DSE: variants seen among roughly 807,000 people sequenced by gnomAD.
DSE encodes the protein dermatan-sulfate epimerase.
A neutral mutation model predicts 84.4 loss-of-function variants in DSE; 36 were observed. The ratio of observed to expected loss-of-function variants is 0.43; its 90% CI spans 0.33 to 0.56. The LOEUF is 0.56. DSE is among the 20% of genes least tolerant of loss of function. The pLI, the probability that DSE is intolerant of heterozygous loss-of-function variation, is 0.06. For synonymous variants in DSE, 410 were observed against 430.1 expected (o/e 0.95, Z 0.58); for missense variants, 862 against 1,169.6 (o/e 0.74, Z 3.84).
chr6:116,284,157 C>A (rs1025244420), intron 2 of DSE, among the ~76,000 whole-genome samples: 1 of 152,138 alleles, frequency 6.6e-6, no homozygotes, highest in African/African-American at 2.4e-5. Context: ...ATCATAGATT[C>A]TTTGGGAATG....
At chr6:116,415,129 A>C (rs1380809251) in intron 2 of DSE, among the ~76,000 whole-genome samples, 1 of 152,200 alleles carries the variant, frequency 6.6e-6, no homozygotes, top group East Asian at 1.9e-4. Flanking sequence ...TGGCTTCCAG[A>C]GAAAGCATTT....
chr6:116,352,004 C>T (rs754828964), intron 2 of DSE, among the ~76,000 whole-genome samples: 9 of 152,030 alleles, frequency 5.9e-5, no homozygotes, highest in Admixed American at 1.3e-4. Flanking sequence ...ATTTAAATCC[C>T]GATATTAAAT....
Position 116,397,212 on chromosome 6 carries a change from T to C in DSE, c.-53-1986T>C, listed in dbSNP as rs866473887. Among the ~76,000 whole-genome samples, 1,183 of 146,536 alleles carry C rather than the reference T, an allele frequency of 8.1e-3. 14 individuals carry two copies. Among genetic ancestry groups the C allele is most frequent in the South Asian group, 0.04 (179 of 4,520 alleles). ...GTATATTATTCTCTTTCTTTCTTTT[T>C]TTTTTTTTTTTTTTTGAGATAGAGT... is the stretch of plus-strand genomic sequence containing the variant. On this transcript the variant is annotated intron_variant, in intron 1 of 5. Coordinates refer to ENST00000644252, the MANE Select transcript of DSE (RefSeq NM_013352.4).
upstream of DSE, among the ~76,000 whole-genome samples, chr6:116,367,479 T>A (rs538722546): frequency 4.7e-4 from 71 of 152,208 alleles, no homozygotes; most frequent in Non-Finnish European, 7.9e-4. Context: ...AGAAGCCGCA[T>A]ACCTGTAACA....
intron 2 of DSE, among the ~76,000 whole-genome samples, chr6:116,422,335 A>G (rs948891843): frequency 9.2e-5 from 14 of 152,230 alleles, no homozygotes; most frequent in African/African-American, 3.4e-4. Flanking sequence ...GAAAGCTCCA[A>G]GTTTGTCATT....
intron 2 of DSE, among the ~76,000 whole-genome samples, chr6:116,326,023 T>C (rs2114775916): frequency 6.6e-6 from 1 of 152,350 alleles, no homozygotes. Flanking sequence ...AGTGCTTTTC[T>C]ATACAATGTC....
At chr6:116,352,598 A>T (rs1220095360) in intron 2 of DSE, among the ~76,000 whole-genome samples, 1 of 152,188 alleles carries the variant, frequency 6.6e-6, no homozygotes, top group Non-Finnish European at 1.5e-5. Context: ...GATAGTAAAC[A>T]TCAAGAAATT....
intron 2 of DSE, among the ~76,000 whole-genome samples, chr6:116,285,755 C>A (rs1011456726): frequency 1.3e-5 from 2 of 152,170 alleles, no homozygotes; most frequent in African/African-American, 2.4e-5. Context: ...CCAGTTTTCC[C>A]AACACCAGTT....
At chr6:116,367,137 G>A (rs1779210230), upstream of DSE, 1 of 152,348 alleles carries the variant, frequency 6.6e-6, no homozygotes, top group African/African-American at 2.4e-5. Context: ...AAGGAAGCTT[G>A]GAGAAGCCTC....
chr6:116,320,889 C>G (rs1050428570), intron 2 of DSE, among the ~76,000 whole-genome samples: 5 of 152,176 alleles, frequency 3.3e-5, no homozygotes, highest in Non-Finnish European at 7.3e-5. Context: ...TAGGGCTTAG[C>G]ATTTCAATAT....
At chr6:116,310,844 C>A (rs1293800012) in intron 2 of DSE, among the ~76,000 whole-genome samples, 1 of 152,170 alleles carries the variant, frequency 6.6e-6, no homozygotes, top group Non-Finnish European at 1.5e-5. Flanking sequence ...TTTTCTTTTT[C>A]AAAGGCCCTT....
intron 1 of DSE, among the ~76,000 whole-genome samples, chr6:116,391,614 A>G (rs1414097531): frequency 6.6e-6 from 1 of 151,902 alleles, no homozygotes; most frequent in Non-Finnish European, 1.5e-5. Context: ...AAAATACAAA[A>G]AATTAGCTGG....
intron 1 of DSE, among the ~76,000 whole-genome samples, chr6:116,372,953 T>G (rs1779694662): frequency 6.6e-6 from 1 of 152,102 alleles, no homozygotes; most frequent in Admixed American, 6.5e-5. Flanking sequence ...ATGACGTCAG[T>G]ATCCGTTTTT....
intron 2 of DSE, among the ~76,000 whole-genome samples, chr6:116,338,932 A>G (rs149329308): frequency 1.3e-5 from 2 of 152,350 alleles, no homozygotes; most frequent in African/African-American, 4.8e-5. Flanking sequence ...AAGTTCCTCT[A>G]TGCCTCCAAA....
intron 2 of DSE, among the ~76,000 whole-genome samples, chr6:116,423,950 G>T (rs1009659322): frequency 2.0e-5 from 3 of 152,122 alleles, no homozygotes; most frequent in Non-Finnish European, 4.4e-5. Context: ...GTTGGGGCTT[G>T]GACATTTTCA....
chr6:116,437,165 C>G lies in DSE; in HGVS notation c.2697C>G (p.Ser899=), dbSNP rs200340918. ...GCAGGGCCCCATCACTGTCTGCTTCCTATACCAGGTTGTTCCTGATTCTGA... is the reference window on the plus strand; with the variant it reads ...GCAGGGCCCCATCACTGTCTGCTTCGTATACCAGGTTGTTCCTGATTCTGA... ...THSRAPSLSA[S]YTRLFLILNI... is the part of the protein sequence containing the mutation. The change falls in exon 6 of 6, where the codon TCC becomes TCG. Residue 899 remains serine, a synonymous_variant. Transcript: ENST00000644252. 1.2e-6 allele frequency: 2 copies of G among 1,614,160 alleles called. No homozygotes were observed. Among genetic ancestry groups the G allele is most frequent in the African/African-American group, 1.3e-5 (1 of 75,052 alleles).
At chr6:116,255,311 C>T (rs1279349991) in intron 1 of DSE, 1 of 152,170 alleles carries the variant, frequency 6.6e-6, no homozygotes, top group Non-Finnish European at 1.5e-5. Context: ...TAGAGGAATA[C>T]ATCATATATA....
At chr6:116,360,917 A>G (rs931245852) in intron 2 of DSE, among the ~76,000 whole-genome samples, 1 of 152,162 alleles carries the variant, frequency 6.6e-6, no homozygotes, top group Non-Finnish European at 1.5e-5. Flanking sequence ...CAGAGTTCTG[A>G]TGATTTGGGA....
At chr6:116,343,653 G>A (rs1271596340) in intron 2 of DSE, among the ~76,000 whole-genome samples, 3 of 152,204 alleles carry the variant, frequency 2.0e-5, no homozygotes, top group Admixed American at 2.0e-4. Flanking sequence ...AAGACCAAGG[G>A]TAGATAAAAC....
Sources: allele counts gnomAD v4.1 joint callset (sites outside exome capture counted in the v4.1 genomes callset), GRCh38; gene constraint gnomAD v4.1.1; transcripts MANE v1.5; gene names NCBI Gene and HGNC (gene_info 2026-07-23, HGNC 2026-07-21).